SLC9A9: variants seen among roughly 807,000 people sequenced by gnomAD.
The protein encoded by SLC9A9 is sodium/hydrogen exchanger 9.
A neutral mutation model predicts 77.8 loss-of-function variants in SLC9A9; 62 were observed. The observed-to-expected ratio is 0.80, with a 90% confidence interval of 0.65 to 0.98. The LOEUF (loss-of-function observed/expected upper bound fraction) is 0.98, where lower values mean the gene tolerates loss of function less well. Ranked by LOEUF, SLC9A9 falls within the 50% of genes least tolerant of loss-of-function variation. The pLI is 0.00. For synonymous variants in SLC9A9, 320 were observed against 283.5 expected (o/e 1.13, Z -1.29); for missense variants, 775 against 774.9 (o/e 1.00, Z 0.00).
At chr3:143,416,676 T>C (rs1285098761) in intron 12 of SLC9A9, among the ~76,000 whole-genome samples, 1 of 151,858 alleles carries the variant, frequency 6.6e-6, no homozygotes, top group Non-Finnish European at 1.5e-5. Context: ...AATAAAAATG[T>C]TGTGTGACTG....
intron 4 of SLC9A9, among the ~76,000 whole-genome samples, chr3:143,725,564 T>G (rs1576684263): frequency 1.4e-5 from 2 of 145,542 alleles, no homozygotes; most frequent in East Asian, 4.0e-4. Flanking sequence ...CCATAAAAAA[T>G]GATGAGTTCA....
chr3:143,823,398 G>T (rs9838644), intron 2 of SLC9A9, among the ~76,000 whole-genome samples: 2 of 151,796 alleles, frequency 1.3e-5, no homozygotes, highest in African/African-American at 2.4e-5. Context: ...GGACATTCGG[G>T]GTGAAGATGA....
intron 6 of SLC9A9, among the ~76,000 whole-genome samples, chr3:143,605,206 G>A (rs943690882): frequency 2.6e-5 from 4 of 152,180 alleles, no homozygotes; most frequent in Admixed American, 2.6e-4. Flanking sequence ...TATTAAAGAA[G>A]TGCCTGAGTG....
chr3:143,343,340 C>A (rs2032164458), intron 14 of SLC9A9: 1 of 152,034 alleles, frequency 6.6e-6, no homozygotes, highest in Non-Finnish European at 1.5e-5. Context: ...AACATCTTTT[C>A]ATTTTCTAGG....
chr3:143,726,950 T>G (rs1934669588), intron 4 of SLC9A9, among the ~76,000 whole-genome samples: 1 of 152,112 alleles, frequency 6.6e-6, no homozygotes, highest in African/African-American at 2.4e-5. Flanking sequence ...TGTTTTTTAA[T>G]AATCACTGGA....
chr3:143,717,896 C>A (rs1053681542), intron 4 of SLC9A9, among the ~76,000 whole-genome samples: 17 of 151,864 alleles, frequency 1.1e-4, no homozygotes, highest in African/African-American at 4.1e-4. Context: ...TGTCCATTTG[C>A]AGATAAGGAA....
At chr3:143,421,713 C>G (rs2034300628) in intron 12 of SLC9A9, among the ~76,000 whole-genome samples, 1 of 152,102 alleles carries the variant, frequency 6.6e-6, no homozygotes, top group Admixed American at 6.6e-5. Flanking sequence ...CCCTTAAAAG[C>G]AAGTGCAACA....
At chr3:143,632,766 G>A (rs116434242) in intron 6 of SLC9A9, among the ~76,000 whole-genome samples, 2,830 of 152,266 alleles carry the variant, frequency 0.019, 85 homozygotes, top group African/African-American at 0.063. Context: ...AAGTCCACAC[G>A]TTAAGTGATA....
chr3:143,469,895 C>G (rs2035349756), intron 11 of SLC9A9, among the ~76,000 whole-genome samples: 1 of 152,116 alleles, frequency 6.6e-6, no homozygotes. Flanking sequence ...TCTTACACAT[C>G]AGAAATTCTG....
intron 5 of SLC9A9, among the ~76,000 whole-genome samples, chr3:143,670,540 G>A (rs1198320672): frequency 6.6e-6 from 1 of 152,222 alleles, no homozygotes; most frequent in African/African-American, 2.4e-5. Flanking sequence ...CCTTGCTAAT[G>A]TTCTGCAGGT....
chr3:143,504,025 G>A, intron 9 of SLC9A9: 2 of 478,320 alleles, frequency 4.2e-6, no homozygotes, highest in Non-Finnish European at 4.1e-6. Flanking sequence ...TTTGACTGGG[G>A]TAGGATCTCA....
chr3:143,272,557 T>C (rs931737460), intron 14 of SLC9A9, among the ~76,000 whole-genome samples: 2 of 152,198 alleles, frequency 1.3e-5, no homozygotes, highest in Admixed American at 1.3e-4. Context: ...ACTTGCCTAA[T>C]TGGATAACCA....
At chr3:143,410,829 A>G (rs146464492) in intron 12 of SLC9A9, among the ~76,000 whole-genome samples, 1,592 of 152,300 alleles carry the variant, frequency 0.01, 21 homozygotes, top group South Asian at 0.024. Flanking sequence ...ACACTTTGGT[A>G]TGAATGTTTT....
rs59195338 is a variant in SLC9A9 at position 143,477,330 on chromosome 3, A to ATTTTTTTTT, written c.1316-10149_1316-10141dup. On this transcript the variant is annotated intron_variant, in intron 11 of 15. Coordinates refer to ENST00000316549, the MANE Select transcript of SLC9A9 (RefSeq NM_173653.4). ...CAAAATCACCTGAAGGGCTTCTTCA[A>ATTTTTTTTT]TTTTTTTTTTTTTTTTTCCCCCTCC... Among the ~76,000 whole-genome samples, 505 of 99,946 alleles carry ATTTTTTTTT rather than the reference A, an allele frequency of 5.1e-3. 12 individuals carry two copies. Among genetic ancestry groups the ATTTTTTTTT allele is most frequent in the Non-Finnish European group, 7.6e-3 (380 of 50,206 alleles). The allele number at this position is 99,946 out of a possible 152,430, so 65.6% of individuals were successfully genotyped here.
At chr3:143,684,194 C>G (rs1485872016) in intron 5 of SLC9A9, among the ~76,000 whole-genome samples, 1 of 151,944 alleles carries the variant, frequency 6.6e-6, no homozygotes, top group East Asian at 1.9e-4. Flanking sequence ...TTATTATGTA[C>G]TGTGCAGAAC....
intron 6 of SLC9A9, among the ~76,000 whole-genome samples, chr3:143,606,098 A>G (rs1325066914): frequency 6.6e-6 from 1 of 152,112 alleles, no homozygotes; most frequent in Non-Finnish European, 1.5e-5. Flanking sequence ...TCTCACAAAA[A>G]TATTTAAAAG....
rs529166646 is a variant in SLC9A9, at chr3:143,420,556, C to T, written c.1470-38442G>A. ...GGCTGTACTGAAGAAGTGACATGAT[C>T]ATTTTAACTTGTGTTAGGTTGTTAA... On this transcript the variant is annotated intron_variant, in intron 12 of 15. Coordinates refer to ENST00000316549, the MANE Select transcript of SLC9A9 (RefSeq NM_173653.4). Among the ~76,000 whole-genome samples the T allele has an allele frequency of 8.0e-5, 12 of 149,654 alleles. No homozygotes were observed. In the South Asian group the frequency reaches 2.6e-3, roughly 32 times the overall value.
At chr3:143,810,876 T>C (rs553086773) in intron 2 of SLC9A9, among the ~76,000 whole-genome samples, 1 of 152,372 alleles carries the variant, frequency 6.6e-6, no homozygotes, top group Admixed American at 6.5e-5. Context: ...GAAGACGCTG[T>C]ATAATTGCAT....
intron 14 of SLC9A9, among the ~76,000 whole-genome samples, chr3:143,317,605 C>A (rs1445031625): frequency 6.6e-6 from 1 of 152,166 alleles, no homozygotes; most frequent in Non-Finnish European, 1.5e-5. Flanking sequence ...TAAGCAGACA[C>A]CTGTTTTCTT....
Sources: allele counts gnomAD v4.1 joint callset (sites outside exome capture counted in the v4.1 genomes callset), GRCh38; gene constraint gnomAD v4.1.1; transcripts MANE v1.5; gene names NCBI Gene and HGNC (gene_info 2026-07-23, HGNC 2026-07-21).